Variants in BIRC6 observed in about 807,000 individuals in gnomAD.
The protein encoded by BIRC6 is baculoviral IAP repeat containing 6.
In BIRC6, 98 loss-of-function variants were observed where a neutral mutation model predicts 503.3. The ratio of observed to expected loss-of-function variants is 0.19; its 90% confidence interval spans 0.17 to 0.23. The LOEUF (loss-of-function observed/expected upper bound fraction) is 0.23. BIRC6 is among the 10% of genes least tolerant of loss of function. The pLI, the probability that BIRC6 is intolerant of heterozygous loss-of-function variation, is 1.00. For synonymous variants in BIRC6, 2,240 were observed against 2,078.7 expected (o/e 1.08, Z -2.11); for missense variants, 5,360 against 5,806.0 (o/e 0.92, Z 2.50).
At chr2:32,447,424 CG>C (rs1217445747) in intron 21 of BIRC6, among the ~76,000 whole-genome samples, 1 of 143,396 alleles carries the variant, frequency 7.0e-6, no homozygotes, top group Non-Finnish European at 1.5e-5. Flanking sequence ...GCTGGCCGGG[CG>C]GGGGGCTGAC....
chr2:32,480,289 C>A (rs1052252122), intron 37 of BIRC6, among the ~76,000 whole-genome samples: 2 of 152,154 alleles, frequency 1.3e-5, no homozygotes, highest in Non-Finnish European at 2.9e-5. Context: ...GGGACTTTGC[C>A]ATCTGTACTT....
intron 72 of BIRC6, among the ~76,000 whole-genome samples, chr2:32,609,268 C>T (rs966671948): frequency 7.1e-6 from 1 of 140,682 alleles, no homozygotes; most frequent in Non-Finnish European, 1.6e-5. Context: ...TTTTTCACGT[C>T]ATCCTGAAGT....
Position 32,524,938 on chromosome 2 carries a change from G to C in BIRC6, c.11674G>C (p.Glu3892Gln), listed in dbSNP as rs3207834. 1.5e-5 allele frequency: 23 copies of C among 1,529,298 alleles called. No individual in the cohort carries two copies. The highest frequency in any genetic ancestry group is 2.0e-5 in the Non-Finnish European group (23 of 1,136,474). 94.7% of individuals were successfully genotyped at this position (1,529,298 alleles called of 1,614,324 possible). Reference protein sequence around the residue: ...KLISEQKDDKEKKNHEEKEKV... With the variant: ...KLISEQKDDKQKKNHEEKEKV... Reference sequence around the variant, plus strand: ...AATTAGTGAACAAAAAGATGACAAAGAAAAGAAAAACCATGAAGAGAAAGA... The same window carrying C: ...AATTAGTGAACAAAAAGATGACAAACAAAAGAAAAACCATGAAGAGAAAGA... The change falls in exon 58 of 74, where the codon GAA becomes CAA. Residue 3892 changes from glutamate to glutamine, a missense_variant. Coordinates refer to ENST00000421745, the MANE Select transcript of BIRC6 (RefSeq NM_016252.4).
intron 26 of BIRC6, among the ~76,000 whole-genome samples, chr2:32,465,451 CATT>C (rs1198407844): frequency 6.6e-6 from 1 of 151,766 alleles, no homozygotes; most frequent in East Asian, 1.9e-4. Flanking sequence ...GTCAAATCAC[CATT>C]ATACTAGAAA....
At chr2:32,611,626 G>C in intron 73 of BIRC6, 44 bp downstream of exon 73, 1 of 1,484,610 alleles carries the variant, frequency 6.7e-7, no homozygotes, top group Non-Finnish European at 9.0e-7. Flanking sequence ...TTTAAGAGTT[G>C]TGTAATTATT....
chr2:32,481,378 G>A lies in BIRC6; in HGVS notation c.7467G>A (p.Gln2489=), dbSNP rs1205290992. The part of the protein sequence containing the change: ...KDKEIDLELL[Q]DLMEVDIDPL... ...AAGAAATTGACCTTGAGTTACTTCA[G>A]GATCTAATGGAAGTTGACATTGATC... The change falls in exon 38 of 74, where the codon CAG becomes CAA. Residue 2489 remains glutamine, a synonymous_variant. Coordinates refer to ENST00000421745, the MANE Select transcript of BIRC6 (RefSeq NM_016252.4). 1 of 1,611,500 alleles carries A rather than the reference G, an allele frequency of 6.2e-7. No homozygotes were observed.
chr2:32,595,183 C>T, intron 68 of BIRC6, 39 bp downstream of exon 68: 1 of 1,345,208 alleles, frequency 7.4e-7, no homozygotes, highest in Non-Finnish European at 1.0e-6. Context: ...ATCTCACTTT[C>T]CATTTTTTTT....
At chr2:32,603,649 C>T (rs1049379409) in intron 71 of BIRC6, among the ~76,000 whole-genome samples, 4 of 151,886 alleles carry the variant, frequency 2.6e-5, no homozygotes, top group Middle Eastern at 3.2e-3. Flanking sequence ...GCTGGAACCC[C>T]GGAGGAGGAG....
intron 11 of BIRC6, among the ~76,000 whole-genome samples, chr2:32,430,366 G>A (rs1044005007): frequency 6.6e-6 from 1 of 152,054 alleles, no homozygotes; most frequent in Admixed American, 6.5e-5. Context: ...CACAGAAATA[G>A]AAAAAACAAT....
intron 72 of BIRC6, among the ~76,000 whole-genome samples, chr2:32,607,917 A>T (rs992006485): frequency 4.4e-5 from 6 of 137,340 alleles, no homozygotes; most frequent in African/African-American, 1.6e-4. Flanking sequence ...AGTTGCAGAG[A>T]GCTGAGACTG....
Position 32,415,835 on chromosome 2 carries a change from T to C in BIRC6, c.2544T>C (p.His848=), listed in dbSNP as rs540348519. Residue 848 remains histidine (H), a synonymous_variant, in exon 10 of 74, where the codon CAT becomes CAC. Transcript: ENST00000421745. ...AAGAGGAGCCAATAAAAATACAACA[T>C]ATCAAAGATCCCCAGGACACAATTA... ...TLEEEPIKIQ[H]IKDPQDTITS... 113 of 1,613,742 alleles carry C rather than the reference T, an allele frequency of 7.0e-5. 4 individuals carry two copies. The South Asian group carries it at 1.1e-3, about 16-fold the overall frequency.
At chr2:32,470,879 A>G (rs942680639) in intron 31 of BIRC6, 135 bp from the exon 32 acceptor site, 2 of 863,698 alleles carry the variant, frequency 2.3e-6, no homozygotes, top group East Asian at 6.1e-5. Context: ...GACTTATTAC[A>G]TATAAATATT....
intron 1 of BIRC6, among the ~76,000 whole-genome samples, chr2:32,362,246 C>T (rs1003786761): frequency 6.6e-6 from 1 of 151,670 alleles, no homozygotes; most frequent in African/African-American, 2.4e-5. Flanking sequence ...ATTGTAATTT[C>T]CTAATGACAT....
At chr2:32,540,951 AGTGGTTT>A (rs2057619401) in intron 61 of BIRC6, among the ~76,000 whole-genome samples, 1 of 152,068 alleles carries the variant, frequency 6.6e-6, no homozygotes, top group Admixed American at 6.5e-5. Context: ...AATATATGAT[AGTGGTTT>A]TAATTTGCTC....
chr2:32,476,421 T>G (rs1350993002), intron 34 of BIRC6, 77 bp downstream of exon 34: 1 of 1,427,240 alleles, frequency 7.0e-7, no homozygotes, highest in African/African-American at 1.5e-5. Flanking sequence ...TCGAGAAACT[T>G]AAATATACAT....
intron 20 of BIRC6, among the ~76,000 whole-genome samples, chr2:32,445,209 G>C (rs1318965179): frequency 6.6e-6 from 1 of 152,148 alleles, no homozygotes; most frequent in East Asian, 1.9e-4. Flanking sequence ...GTGTCCCTCA[G>C]AGGCATCTCA....
At chr2:32,517,662 A>C (rs1316450371) in intron 55 of BIRC6, among the ~76,000 whole-genome samples, 1 of 152,094 alleles carries the variant, frequency 6.6e-6, no homozygotes, top group African/African-American at 2.4e-5. Context: ...TGGCTCACTG[A>C]AACTTTCGGG....
Position 32,545,701 on chromosome 2 carries a change from T to C in BIRC6, c.12651T>C (p.Leu4217=), listed in dbSNP as rs759423186. The C allele has an allele frequency of 5.6e-6, 9 of 1,613,782 alleles. No individual in the cohort carries two copies. The Admixed American group carries it at 1.3e-4, about 24-fold the overall frequency. The change falls in exon 63 of 74, where the codon CTT becomes CTC. Residue 4217 remains leucine, a synonymous_variant. Transcript: ENST00000421745. ...TTCCAACCCTTCCTTTCCACGTCCT[T>C]CGTAGCTTGTTTAGCACTACACCTT... ...NVLPTLPFHV[L]RSLFSTTPLT...
chr2:32,413,053 C>T (rs1285564780), intron 9 of BIRC6, among the ~76,000 whole-genome samples: 1 of 150,752 alleles, frequency 6.6e-6, no homozygotes. Context: ...GTTGCCCAGA[C>T]TAGAGAGTAC....
Sources: allele counts gnomAD v4.1 joint callset (sites outside exome capture counted in the v4.1 genomes callset), GRCh38; gene constraint gnomAD v4.1.1; transcripts MANE v1.5; gene names NCBI Gene and HGNC (gene_info 2026-07-23, HGNC 2026-07-21).